RPGRIP1L: variants seen among roughly 807,000 people sequenced by gnomAD.
RPGRIP1L encodes protein fantom.
Under a neutral mutation model 160.4 loss-of-function variants are expected in RPGRIP1L, and 131 were observed. The ratio of observed to expected loss-of-function variants is 0.82; its 90% CI spans 0.71 to 0.94. The LOEUF is 0.94. RPGRIP1L is among the 40% of genes least tolerant of loss of function. The probability of loss-of-function intolerance (pLI) is 0.00; values close to 1 mark genes in which losing one functional copy is unlikely to be tolerated. For missense variants in RPGRIP1L, 1,522 were observed against 1,535.8 expected (o/e 0.99, Z 0.15); for synonymous variants, 510 against 515.8 (o/e 0.99, Z 0.15).
chr16:53,607,916 C>T, intron 25 of RPGRIP1L: 2 of 899,960 alleles, frequency 2.2e-6, no homozygotes, highest in Non-Finnish European at 2.7e-6. Flanking sequence ...AATCTTTTAT[C>T]TTACTTTCAA....
chr16:53,630,773 TG>T (rs1567813444), intron 22 of RPGRIP1L, among the ~76,000 whole-genome samples: 2 of 152,144 alleles, frequency 1.3e-5, no homozygotes, highest in African/African-American at 4.8e-5. Context: ...CTTGCTCTGT[TG>T]CCCAGGCTGG....
At chr16:53,662,620 TAGAC>T (rs1171011846) in intron 10 of RPGRIP1L, among the ~76,000 whole-genome samples, 1 of 152,074 alleles carries the variant, frequency 6.6e-6, no homozygotes, top group Non-Finnish European at 1.5e-5. Context: ...TTTTCTTAAA[TAGAC>T]AGTTTCGGTT....
rs1377793514 is a variant in RPGRIP1L at position 53,696,003 on chromosome 16, A to G, written c.230+148T>C. 15 of 754,198 alleles carry G rather than the reference A, an allele frequency of 2.0e-5. No homozygotes were observed. The Admixed American group carries it at 3.0e-4, about 15-fold the overall frequency. The allele number at this position is 754,198 out of a possible 1,614,324, so 46.7% of individuals were successfully genotyped here. ...TTGGTTTATTATTCTAGTTTGCAAG[A>G]TTTTCCATTTTTAAAAATTGTACTT... On this transcript the variant is annotated intron_variant, in intron 3 of 26. Coordinates refer to ENST00000647211, the MANE Select transcript of RPGRIP1L (RefSeq NM_015272.5).
At chr16:53,655,597 C>T (rs1287152547) in intron 14 of RPGRIP1L, 1 of 152,146 alleles carries the variant, frequency 6.6e-6, no homozygotes, top group Non-Finnish European at 1.5e-5. Flanking sequence ...AAACTTACAG[C>T]TTCTGAGTGC....
chr16:53,700,601 C>CA (rs752590934), intron 2 of RPGRIP1L, 38 bp downstream of exon 2: 8 of 1,493,110 alleles, frequency 5.4e-6, no homozygotes, highest in Non-Finnish European at 7.5e-6. Flanking sequence ...AGTCAGTGAT[C>CA]AAAGTTCATA....
chr16:53,655,022 A>G (rs1967128808), intron 14 of RPGRIP1L, among the ~76,000 whole-genome samples: 1 of 152,146 alleles, frequency 6.6e-6, no homozygotes, highest in Non-Finnish European at 1.5e-5. Context: ...GGTCACAACT[A>G]TTTTTATAAT....
intron 2 of RPGRIP1L, among the ~76,000 whole-genome samples, chr16:53,699,015 T>G (rs1971141300): frequency 6.6e-6 from 1 of 152,096 alleles, no homozygotes; most frequent in Admixed American, 6.5e-5. Context: ...GAAGTAGACA[T>G]GGGAGACTTT....
In RPGRIP1L at chr16:53,649,079, T is replaced by G; in HGVS notation, c.2189A>C (p.Glu730Ala). The G allele has an allele frequency of 6.2e-7, 1 of 1,614,082 alleles. No homozygotes were observed. The highest frequency in any genetic ancestry group is 8.5e-7 in the Non-Finnish European group (1 of 1,179,978). The change falls in exon 16 of 27, where the codon GAA becomes GCA. Residue 730 changes from glutamate to alanine, a missense_variant. Glu to Ala is a moderately radical substitution (Grantham distance 107). Coordinates refer to ENST00000647211, the MANE Select transcript of RPGRIP1L (RefSeq NM_015272.5). Reference sequence around the variant, plus strand: ...GGGAACTCTTAATCGGAACCAGTATTCCACTGTGCCAAAATTTGGGATGTC... The same window carrying G: ...GGGAACTCTTAATCGGAACCAGTATGCCACTGTGCCAAAATTTGGGATGTC... ...KGDIPNFGTV[E>A]YWFRLRVPMD...
intron 19 of RPGRIP1L, among the ~76,000 whole-genome samples, chr16:53,639,038 G>A (rs1966033209): frequency 6.6e-6 from 1 of 150,884 alleles, no homozygotes; most frequent in Non-Finnish European, 1.5e-5. Flanking sequence ...CTACTCATGT[G>A]ATTTTAAAAA....
intron 9 of RPGRIP1L, among the ~76,000 whole-genome samples, chr16:53,665,584 T>A (rs1968174895): frequency 6.6e-6 from 1 of 152,116 alleles, no homozygotes; most frequent in Non-Finnish European, 1.5e-5. Flanking sequence ...TAAAAACAGT[T>A]TTAGATGTAA....
At chr16:53,696,551 G>A (rs558676414) in intron 2 of RPGRIP1L, among the ~76,000 whole-genome samples, 1 of 152,308 alleles carries the variant, frequency 6.6e-6, no homozygotes, top group South Asian at 2.1e-4. Context: ...ATGTATTCAA[G>A]TGCCGTTCTT....
intron 15 of RPGRIP1L, among the ~76,000 whole-genome samples, chr16:53,649,891 C>T (rs1388624062): frequency 6.6e-6 from 1 of 152,182 alleles, no homozygotes; most frequent in African/African-American, 2.4e-5. Flanking sequence ...CCAATATACT[C>T]CTACTACAGG....
intron 22 of RPGRIP1L, 49 bp downstream of exon 22, chr16:53,636,390 A>C (rs1471428739): frequency 1.6e-6 from 2 of 1,287,300 alleles, no homozygotes; most frequent in South Asian, 2.4e-5. Context: ...ACTGTGAATG[A>C]AAGGCAGCCT....
chr16:53,659,258 T>TAA (rs1967556326), intron 10 of RPGRIP1L: 1 of 868,994 alleles, frequency 1.2e-6, no homozygotes, highest in African/African-American at 1.8e-5. Flanking sequence ...AATTGTCTTT[T>TAA]AGTTTTTTAA....
At chr16:53,672,588 T>G (rs1280380090) in intron 8 of RPGRIP1L, among the ~76,000 whole-genome samples, 2 of 152,176 alleles carry the variant, frequency 1.3e-5, no homozygotes, top group East Asian at 3.9e-4. Flanking sequence ...GAAAGTTAAG[T>G]TCCATAGGTA....
intron 24 of RPGRIP1L, among the ~76,000 whole-genome samples, chr16:53,617,086 A>AAAAAAAAAAAAAAAAAAAAAAAAAAAAC (rs1964426176): frequency 6.8e-6 from 1 of 147,898 alleles, no homozygotes; most frequent in Non-Finnish European, 1.5e-5. Flanking sequence ...AAAAAAAAAA[A>AAAAAAAAAAAAAAAAAAAAAAAAAAAAC]AAAAAAAAAA....
At chr16:53,654,964 G>A (rs1475778057) in intron 14 of RPGRIP1L, among the ~76,000 whole-genome samples, 10 of 152,162 alleles carry the variant, frequency 6.6e-5, no homozygotes, top group Admixed American at 6.5e-4. Context: ...CTGAAAGTGT[G>A]GTTTGGAAAC....
At chr16:53,648,653 C>CACAA (rs1011538240) in intron 16 of RPGRIP1L, among the ~76,000 whole-genome samples, 5 of 151,802 alleles carry the variant, frequency 3.3e-5, no homozygotes, top group African/African-American at 1.2e-4. Context: ...CACACACACA[C>CACAA]ACACAAAAGT....
At chr16:53,659,055 C>A in intron 10 of RPGRIP1L, 177 bp from the exon 11 acceptor site, 1 of 645,112 alleles carries the variant, frequency 1.6e-6, no homozygotes, top group Non-Finnish European at 2.6e-6. Flanking sequence ...TAAATGAACA[C>A]TATCATGTGT....
Sources: allele counts gnomAD v4.1 joint callset (sites outside exome capture counted in the v4.1 genomes callset), GRCh38; gene constraint gnomAD v4.1.1; transcripts MANE v1.5; gene names NCBI Gene and HGNC (gene_info 2026-07-23, HGNC 2026-07-21).